ARFGEF2: variants seen among roughly 807,000 people sequenced by gnomAD.
ARFGEF2 encodes the protein brefeldin A-inhibited guanine nucleotide-exchange protein 2.
A neutral mutation model predicts 219.9 loss-of-function variants in ARFGEF2; 74 were observed. The observed-to-expected ratio is 0.34, with a 90% CI of 0.28 to 0.41. The LOEUF (loss-of-function observed/expected upper bound fraction) is 0.41. Among genes scored for constraint, ARFGEF2 ranks in the 10% least tolerant of loss-of-function variants. The pLI is 1.00. For synonymous variants in ARFGEF2, 733 were observed against 799.2 expected (o/e 0.92, Z 1.40); for missense variants, 1,743 against 2,218.3 (o/e 0.79, Z 4.30).
At chr20:48,984,664 A>G (rs2091316334) in intron 14 of ARFGEF2, 65 bp from the exon 15 acceptor site, 2 of 1,584,536 alleles carry the variant, frequency 1.3e-6, no homozygotes, top group East Asian at 2.2e-5. Flanking sequence ...TATCTCAAAT[A>G]CCAGCTTTTG....
At position 49,032,181 on chromosome 20, in the gene ARFGEF2, ACT is replaced by A. The variant is rs1210787243; in HGVS notation, c.5181+18_5181+19del. On this transcript the variant is annotated intron_variant, in intron 38 of 38. Coordinates refer to ENST00000371917, the MANE Select transcript of ARFGEF2 (RefSeq NM_006420.3). The stretch of plus-strand genomic sequence containing the variant: ...ATGATGAAAAGGTATGAACAAGTAA[ACT>A]CTGACCAATTTTCACTAGGACATAA... The A allele has an allele frequency of 2.5e-6, 4 of 1,579,542 alleles. No homozygotes were observed. The highest frequency in any genetic ancestry group is 2.2e-5 in the East Asian group (1 of 44,686).
rs746240028 is a variant in ARFGEF2 at position 48,942,031 on chromosome 20, G to A, written c.276+44G>A. 4 of 1,612,286 alleles carry A rather than the reference G, an allele frequency of 2.5e-6. No individual in the cohort carries two copies. In the East Asian group the frequency reaches 8.9e-5, roughly 36 times the overall value. ...GTGTTGTCAAGGGGGTTCTCTCCAA[G>A]CCACAGTTGGTCCTTACACAGAACT... On this transcript the variant is annotated intron_variant, in intron 3 of 38. Coordinates refer to ENST00000371917, the MANE Select transcript of ARFGEF2 (RefSeq NM_006420.3).
intron 25 of ARFGEF2, among the ~76,000 whole-genome samples, chr20:49,000,194 T>C (rs919308351): frequency 1.3e-5 from 2 of 152,216 alleles, no homozygotes; most frequent in Non-Finnish European, 2.9e-5. Context: ...GTAGGCTTGC[T>C]TCTAACTTGG....
intron 3 of ARFGEF2, among the ~76,000 whole-genome samples, chr20:48,945,404 C>G (rs62212422): frequency 0.1 from 15,902 of 152,282 alleles, 977 homozygotes; most frequent in Non-Finnish European, 0.13. Context: ...TAACTGGCCC[C>G]TGCTCTTGAC....
intron 37 of ARFGEF2, among the ~76,000 whole-genome samples, chr20:49,031,552 A>C (rs771353361): frequency 4.9e-4 from 75 of 152,238 alleles, no homozygotes; most frequent in Non-Finnish European, 7.2e-4. Context: ...TCTCCATTTT[A>C]TAGCTGAAGA....
intron 8 of ARFGEF2, among the ~76,000 whole-genome samples, chr20:48,968,054 C>T (rs554064824): frequency 6.6e-5 from 10 of 152,124 alleles, no homozygotes; most frequent in Admixed American, 2.6e-4. Context: ...AGTGCAGTGG[C>T]GCAATCTTGG....
chr20:48,935,920 CGCAT>C (rs1281460852), intron 1 of ARFGEF2, among the ~76,000 whole-genome samples: 30 of 131,470 alleles, frequency 2.3e-4, no homozygotes, highest in African/African-American at 9.4e-4. Context: ...CCTCACTTCC[CGCAT>C]GGGGCGGCTG....
At chr20:49,023,522 G>GT (rs2091580107) in intron 35 of ARFGEF2, among the ~76,000 whole-genome samples, 1 of 90,972 alleles carries the variant, frequency 1.1e-5, no homozygotes, top group African/African-American at 5.1e-5. Flanking sequence ...TTTTTTTTCT[G>GT]GTTTTTTTTT....
chr20:49,030,605 A>T (rs1391005585), intron 37 of ARFGEF2, among the ~76,000 whole-genome samples: 2 of 152,184 alleles, frequency 1.3e-5, no homozygotes, highest in Non-Finnish European at 2.9e-5. Flanking sequence ...AACAAGTCAT[A>T]AAGTGAAAAA....
intron 18 of ARFGEF2, 145 bp from the exon 19 acceptor site, chr20:48,989,140 A>G: frequency 2.1e-6 from 2 of 964,234 alleles, no homozygotes; most frequent in Non-Finnish European, 3.2e-6. Flanking sequence ...CATCTGTAAA[A>G]TGGTAATAAT....
intron 1 of ARFGEF2, among the ~76,000 whole-genome samples, chr20:48,924,542 G>A (rs2090864545): frequency 1.4e-5 from 2 of 147,710 alleles, no homozygotes; most frequent in Admixed American, 6.8e-5. Context: ...AGGCTGAAAC[G>A]AGCCAGTGTA....
chr20:48,927,440 G>A (rs1342597631), intron 1 of ARFGEF2, among the ~76,000 whole-genome samples: 3 of 152,184 alleles, frequency 2.0e-5, no homozygotes. Context: ...TGTAATCTCA[G>A]TACTTTGGGA....
At chr20:48,990,289 T>TA (rs1256209473) in intron 20 of ARFGEF2, among the ~76,000 whole-genome samples, 6 of 152,220 alleles carry the variant, frequency 3.9e-5, no homozygotes, top group African/African-American at 1.4e-4. Flanking sequence ...TGCTTAAAAA[T>TA]ACTATTTCCT....
chr20:48,966,125 C>T, intron 8 of ARFGEF2, 102 bp downstream of exon 8: 4 of 1,436,062 alleles, frequency 2.8e-6, no homozygotes, highest in Non-Finnish European at 3.9e-6. Context: ...AATAAGCAAG[C>T]CCTGTTCCTT....
In ARFGEF2 at chr20:48,971,365, C is replaced by T. The variant is rs74970217; in HGVS notation, c.1425+11C>T. 2,245 of 1,597,984 alleles carry T rather than the reference C, an allele frequency of 1.4e-3. 26 individuals carry two copies. The African/African-American group carries it at 0.026, about 19-fold the overall frequency. On this transcript the variant is annotated intron_variant, in intron 10 of 38. Transcript: ENST00000371917. ...AAAATGCAGATAGAGGTACGGATTC[C>T]AAAGTTTTTTCATTTCATTATTTAC...
intron 1 of ARFGEF2, among the ~76,000 whole-genome samples, chr20:48,929,700 G>A (rs939176121): frequency 2.6e-5 from 4 of 152,188 alleles, no homozygotes; most frequent in African/African-American, 7.2e-5. Context: ...GGGGGCAGGA[G>A]GCATTTCAGC....
intron 16 of ARFGEF2, among the ~76,000 whole-genome samples, chr20:48,986,739 G>T (rs1014436001): frequency 5.3e-5 from 8 of 152,054 alleles, no homozygotes; most frequent in Non-Finnish European, 8.8e-5. Flanking sequence ...TTGCTCTCTT[G>T]CCCAGGTTGA....
chr20:48,940,788 CA>C (rs1289382159), intron 1 of ARFGEF2, among the ~76,000 whole-genome samples: 4 of 152,090 alleles, frequency 2.6e-5, no homozygotes, highest in African/African-American at 7.2e-5. Context: ...GCAGAGGGGT[CA>C]GGGGTGCTCC....
At chr20:48,973,067 T>G in intron 11 of ARFGEF2, 78 bp from the exon 12 acceptor site, 1 of 1,564,990 alleles carries the variant, frequency 6.4e-7, no homozygotes, top group Non-Finnish European at 8.8e-7. Context: ...GGAAATTTGT[T>G]GGCAAACATC....
Sources: allele counts gnomAD v4.1 joint callset (sites outside exome capture counted in the v4.1 genomes callset), GRCh38; gene constraint gnomAD v4.1.1; transcripts MANE v1.5; gene names NCBI Gene and HGNC (gene_info 2026-07-23, HGNC 2026-07-21).